The following NETO1 variants were observed in gnomAD, a reference collection of about 807,000 sequenced individuals.
NETO1 encodes the protein neuropilin and tolloid-like protein 1.
In NETO1, 26 loss-of-function variants were observed where a neutral mutation model predicts 61.3. That is an observed-to-expected ratio of 0.42 (90% CI 0.31 to 0.59). The LOEUF (loss-of-function observed/expected upper bound fraction) is 0.59. NETO1 is among the 20% of genes least tolerant of loss of function. The pLI is 0.12. For missense variants in NETO1, 531 were observed against 662.8 expected, an observed-to-expected ratio of 0.80 and a Z score of 2.18; for synonymous variants, 225 against 225.8, an observed-to-expected ratio of 1.00 and a Z score of 0.03.
In NETO1 at chr18:72,749,092, G is replaced by A; in HGVS notation, c.1542-4C>T. 6.4e-7 allele frequency: 1 copy of A among 1,551,882 alleles called. No individual in the cohort carries two copies. The highest frequency in any genetic ancestry group is 8.9e-7 in the Non-Finnish European group (1 of 1,123,920). On this transcript the variant is annotated splice_polypyrimidine_tract_variant and splice_region_variant and intron_variant, in intron 9 of 10. Coordinates refer to ENST00000327305, the MANE Select transcript of NETO1 (RefSeq NM_138966.5). ...TAGAGACCCAATGAGGCAGAACCTG[G>A]AATGTTATGGCTATTTCATTCAACA...
intron 7 of NETO1, among the ~76,000 whole-genome samples, chr18:72,772,671 A>T (rs67357745): frequency 0.32 from 47,520 of 148,676 alleles, 8,283 homozygotes; most frequent in South Asian, 0.47. Flanking sequence ...GTTCTCTGAG[A>T]CAGCCTTTCT....
intron 3 of NETO1, among the ~76,000 whole-genome samples, chr18:72,863,514 T>C (rs1185121525): frequency 1.3e-5 from 2 of 152,212 alleles, no homozygotes; most frequent in African/African-American, 4.8e-5. Context: ...AAAAGGAATT[T>C]GCACTGCCAG....
chr18:72,766,645 T>C (rs980449837), intron 7 of NETO1, among the ~76,000 whole-genome samples: 1 of 152,190 alleles, frequency 6.6e-6, no homozygotes, highest in Non-Finnish European at 1.5e-5. Flanking sequence ...AGAAATTCTG[T>C]TCACAAATTT....
At chr18:72,852,032 A>G (rs183928960) in intron 4 of NETO1, among the ~76,000 whole-genome samples, 1 of 152,328 alleles carries the variant, frequency 6.6e-6, no homozygotes, top group East Asian at 1.9e-4. Flanking sequence ...TAAGGAAAAC[A>G]TATATCAATA....
chr18:72,781,270 T>A (rs2071729060), intron 7 of NETO1, among the ~76,000 whole-genome samples: 1 of 152,176 alleles, frequency 6.6e-6, no homozygotes, highest in African/African-American at 2.4e-5. Flanking sequence ...TCTTGGTATG[T>A]TATTCCCGAA....
At chr18:72,846,008 C>T (rs973222568) in intron 4 of NETO1, among the ~76,000 whole-genome samples, 6 of 152,004 alleles carry the variant, frequency 3.9e-5, no homozygotes, top group African/African-American at 1.2e-4. Context: ...CCTGTCTATT[C>T]GTATAATCAC....
At chr18:72,775,222 A>T (rs2071507047) in intron 7 of NETO1, among the ~76,000 whole-genome samples, 1 of 152,168 alleles carries the variant, frequency 6.6e-6, no homozygotes, top group Non-Finnish European at 1.5e-5. Context: ...CAGTGCCCTT[A>T]TGCTCTCCCC....
rs1239795681 is a variant in NETO1 at position 72,827,085 on chromosome 18, GCTTT to G, written c.469+31737_469+31740del. On this transcript the variant is annotated intron_variant, in intron 4 of 10. Coordinates refer to ENST00000327305, the MANE Select transcript of NETO1 (RefSeq NM_138966.5). ...AGAGAACCGCCCAGCCATATTCAAT[GCTTT>G]CTTTTTTTTTTTTTTCCAAATCCGT... 5.9e-3 allele frequency among the ~76,000 whole-genome samples: 375 copies of G among 63,758 alleles called. 2 individuals carry two copies. Among genetic ancestry groups the G allele is most frequent in the African/African-American group, 0.021 (356 of 16,690 alleles). 41.8% of individuals were successfully genotyped at this position (63,758 alleles called of 152,430 possible). A position where few individuals can be genotyped will look rare whatever the true frequency, so the allele number is the denominator to read the frequency against.
intron 7 of NETO1, 145 bp from the exon 8 acceptor site, chr18:72,756,292 C>G (rs974817453): frequency 1.9e-6 from 1 of 534,708 alleles, no homozygotes; most frequent in East Asian, 3.0e-5. Flanking sequence ...TTTTCAGAAA[C>G]GGTGCCGTAG....
intron 4 of NETO1, among the ~76,000 whole-genome samples, chr18:72,815,582 C>A (rs1033931044): frequency 1.1e-4 from 16 of 152,030 alleles, no homozygotes; most frequent in African/African-American, 3.9e-4. Flanking sequence ...AAACAAAATG[C>A]AATTAAAATA....
intron 4 of NETO1, among the ~76,000 whole-genome samples, chr18:72,802,146 AAAT>A (rs1485186401): frequency 6.6e-6 from 1 of 150,664 alleles, no homozygotes; most frequent in African/African-American, 2.4e-5. Context: ...AGAGTTGAGA[AAAT>A]AAGAATTCTA....
intron 1 of NETO1, chr18:72,866,777 G>T: frequency 4.0e-6 from 4 of 993,578 alleles, no homozygotes; most frequent in Non-Finnish European, 4.8e-6. Context: ...CTCCAGGGCG[G>T]AAAGGGGTGG....
Position 72,816,028 on chromosome 18 carries a change from A to G in NETO1, c.470-21624T>C, listed in dbSNP as rs141623186. Among the ~76,000 whole-genome samples, 11 of 152,030 alleles carry G rather than the reference A, an allele frequency of 7.2e-5. No homozygotes were observed. The East Asian group carries it at 2.1e-3, about 29-fold the overall frequency. The stretch of plus-strand genomic sequence containing the variant: ...ACATATAGAGATCAACATAAGAAGA[A>G]TTTTTAATCAGAATTAGGATCGATC... On this transcript the variant is annotated intron_variant, in intron 4 of 10. Transcript: ENST00000327305.
At chr18:72,835,231 TG>T in intron 4 of NETO1, 1 of 1,498,438 alleles carries the variant, frequency 6.7e-7, no homozygotes, top group East Asian at 2.4e-5. Flanking sequence ...ATCAACGTTC[TG>T]GGCACCACAG....
rs2074788247 is a variant in NETO1 at position 72,867,859 on chromosome 18, C to G, written c.-568G>C. On this transcript the variant is annotated 5_prime_UTR_variant, in exon 1 of 11. Transcript: ENST00000327305. ...CCGCGCAGCAGGTCGGAGCAGCCTC[C>G]CCGGGAGGATGTCCAGCGGCAGCGC... is the stretch of plus-strand genomic sequence containing the variant. 6.6e-6 allele frequency: 1 copy of G among 152,262 alleles called. No homozygotes were observed. The highest frequency in any genetic ancestry group is 2.4e-5 in the African/African-American group (1 of 41,286). The allele number at this position is 152,262 out of a possible 1,614,324, so 9.4% of individuals were successfully genotyped here.
chr18:72,863,314 C>A (rs1173705686), intron 3 of NETO1, among the ~76,000 whole-genome samples: 1 of 152,174 alleles, frequency 6.6e-6, no homozygotes, highest in Admixed American at 6.5e-5. Flanking sequence ...ATAATGCCTT[C>A]CCTGGACATT....
intron 7 of NETO1, among the ~76,000 whole-genome samples, chr18:72,767,166 G>A (rs6566654): frequency 1.3e-5 from 2 of 152,124 alleles, no homozygotes; most frequent in African/African-American, 2.4e-5. Flanking sequence ...AGAGCCAAGC[G>A]TAAACACATC....
chr18:72,793,880 C>A (rs1482418798), intron 6 of NETO1, among the ~76,000 whole-genome samples: 1 of 152,190 alleles, frequency 6.6e-6, no homozygotes, highest in Non-Finnish European at 1.5e-5. Context: ...ACCTTAAAGT[C>A]TCTTGTCTAA....
intron 4 of NETO1, among the ~76,000 whole-genome samples, chr18:72,819,463 G>A (rs899641792): frequency 1.4e-4 from 21 of 152,006 alleles, no homozygotes; most frequent in African/African-American, 4.8e-4. Context: ...AATATTTGAC[G>A]TTGATACTGG....
Sources: gnomAD v4.1 joint callset for allele counts (sites outside exome capture counted in the v4.1 genomes callset) on GRCh38, gnomAD v4.1.1 for gene constraint, MANE v1.5 for transcripts, NCBI Gene and HGNC (gene_info 2026-07-23, HGNC 2026-07-21) for gene names.